HABP4: variants seen among roughly 807,000 people sequenced by gnomAD.
HABP4 encodes the protein hyaluronan binding protein 4, also known as intracellular hyaluronan-binding protein 4.
A neutral mutation model predicts 44.1 loss-of-function variants in HABP4; 32 were observed. That is an observed-to-expected ratio of 0.73 (90% CI 0.55 to 0.97). The LOEUF is 0.97. HABP4 is among the 50% of genes least tolerant of loss of function. The pLI, the probability that HABP4 is intolerant of heterozygous loss-of-function variation, is 0.00. For missense variants in HABP4, 503 were observed against 561.9 expected, an observed-to-expected ratio of 0.90 and a Z score of 1.06; for synonymous variants, 216 against 218.0, an observed-to-expected ratio of 0.99 and a Z score of 0.08.
Position 96,488,122 on chromosome 9 carries a change from GT to G in HABP4, c.1037del (p.Phe346SerfsTer50). The G allele has an allele frequency of 6.2e-7, 1 of 1,613,610 alleles. No homozygotes were observed. Among genetic ancestry groups the G allele is most frequent in the Non-Finnish European group, 8.5e-7 (1 of 1,179,562 alleles). On this transcript the variant is annotated frameshift_variant, in exon 7 of 8. Transcript: ENST00000375249. LOFTEE classifies it high-confidence loss of function. The surrounding 1 kb of genome is among the most constrained non-coding windows in gnomAD (Gnocchi z 4.6). Reference protein sequence around the residue: ...VKDDYEDDSHVFRKPANDITS... With the variant: ...VKDDYEDDSHXFRKPANDITS... ...AGATGACTATGAGGACGATTCCCAT[GT>G]TTTCCGGAAACCCGCCAATGACATC...
chr9:96,470,212 G>C (rs2131137703), intron 4 of HABP4, among the ~76,000 whole-genome samples: 1 of 152,260 alleles, frequency 6.6e-6, no homozygotes, highest in Admixed American at 6.5e-5. Context: ...CAGAGGCTGA[G>C]GTGGGAAGTT....
intron 4 of HABP4, among the ~76,000 whole-genome samples, chr9:96,468,848 T>C (rs769380299): frequency 4.3e-4 from 65 of 152,246 alleles, no homozygotes; most frequent in Admixed American, 2.4e-3. Context: ...TCTTAGTAAA[T>C]CGGCTTGAGG....
chr9:96,457,616 C>T (rs1486863046), intron 1 of HABP4, among the ~76,000 whole-genome samples: 1 of 152,130 alleles, frequency 6.6e-6, no homozygotes, highest in Non-Finnish European at 1.5e-5. Context: ...GCCTGTAATC[C>T]CAGTGCTTCA....
intron 3 of HABP4, 68 bp downstream of exon 3, chr9:96,465,566 TG>T: frequency 8.1e-7 from 1 of 1,228,658 alleles, no homozygotes; most frequent in South Asian, 1.2e-5. Flanking sequence ...ATCTATTATG[TG>T]TTAATATTTA....
At chr9:96,462,445 G>A (rs980001801) in intron 2 of HABP4, among the ~76,000 whole-genome samples, 25 of 151,282 alleles carry the variant, frequency 1.7e-4, no homozygotes, top group African/African-American at 4.6e-4. Flanking sequence ...ATGAGACTCT[G>A]TCTCTAAAAA....
Position 96,465,474 on chromosome 9 carries a change from A to T in HABP4, c.650A>T (p.Glu217Val), listed in dbSNP as rs1209098888. Residue 217 changes from glutamate (E) to valine (V), a missense_variant, in exon 3 of 8, where the codon GAA becomes GTA. This residue lies in a region of HABP4 where 131 missense variants were observed against 189.8 expected (regional missense o/e 0.69). Transcript: ENST00000375249. ...AFDQRGKREFERYGGNDKIAV... is the reference protein window; with the variant it reads ...AFDQRGKREFVRYGGNDKIAV... ...GACCAGAGAGGAAAGCGAGAATTTG[A>T]AAGATATGGTGGGAATGACAAAATG... The T allele has an allele frequency of 6.2e-7, 1 of 1,612,306 alleles. No individual in the cohort carries two copies. The highest frequency in any genetic ancestry group is 8.5e-7 in the Non-Finnish European group (1 of 1,178,418).
rs1317163282 is a variant in HABP4, at chr9:96,465,493, C to T, written c.669C>T (p.Asp223=). The T allele has an allele frequency of 6.2e-7, 1 of 1,604,406 alleles. No individual in the cohort carries two copies. The highest frequency in any genetic ancestry group is 1.3e-5 in the African/African-American group (1 of 74,832). Residue 223 remains aspartate, a synonymous_variant, in exon 3 of 8, where the codon GAC becomes GAT. Transcript: ENST00000375249. ...AATTTGAAAGATATGGTGGGAATGACAAAATGTAAGTTTCTTTGTAAATGC... is the reference window on the plus strand; with the variant it reads ...AATTTGAAAGATATGGTGGGAATGATAAAATGTAAGTTTCTTTGTAAATGC... ...KREFERYGGN[D]KIAVRTEDNM...
intron 4 of HABP4, 60 bp downstream of exon 4, chr9:96,465,838 T>C: frequency 3.3e-6 from 3 of 898,582 alleles, no homozygotes; most frequent in Non-Finnish European, 5.6e-6. Context: ...TCTGGATCTT[T>C]GCTTTTCTTG....
chr9:96,462,949 TTGTTTTAGAAC>T (rs916972218), intron 2 of HABP4, among the ~76,000 whole-genome samples: 1 of 152,160 alleles, frequency 6.6e-6, no homozygotes, highest in African/African-American at 2.4e-5. Context: ...TACTTTTCTT[TTGTTTTAGAAC>T]TGTACTTTAG....
At chr9:96,474,312 C>T (rs1425005815) in intron 5 of HABP4, among the ~76,000 whole-genome samples, 1 of 152,134 alleles carries the variant, frequency 6.6e-6, no homozygotes, top group Non-Finnish European at 1.5e-5. Flanking sequence ...TAACTGGATA[C>T]CTTCAGGAGA....
chr9:96,471,039 G>A lies in HABP4; in HGVS notation c.772G>A (p.Glu258Lys), dbSNP rs1411157082. 1 of 1,608,792 alleles carries A rather than the reference G, an allele frequency of 6.2e-7. No individual in the cohort carries two copies. Among genetic ancestry groups the A allele is most frequent in the South Asian group, 1.1e-5 (1 of 90,988 alleles). Residue 258 changes from glutamate to lysine, a missense_variant, in exon 5 of 8, where the codon GAA becomes AAA. Coordinates refer to ENST00000375249, the MANE Select transcript of HABP4 (RefSeq NM_014282.4). ...TGTGGAGCCAACTGCACCGATGGAG[G>A]AACCCACAGTGGTGGAGGAGTCCCA... ...SDVEPTAPME[E>K]PTVVEESQGT...
At chr9:96,473,415 G>T (rs1440408043) in intron 5 of HABP4, among the ~76,000 whole-genome samples, 1 of 152,136 alleles carries the variant, frequency 6.6e-6, no homozygotes, top group Admixed American at 6.5e-5. Context: ...TCTGGTGATT[G>T]TACCCCTAAA....
intron 2 of HABP4, among the ~76,000 whole-genome samples, chr9:96,461,386 C>G (rs1320495674): frequency 6.6e-6 from 1 of 151,810 alleles, no homozygotes; most frequent in Non-Finnish European, 1.5e-5. Flanking sequence ...AAAGGAAGAG[C>G]CAAAATTCAT....
At chr9:96,459,404 T>C (rs1587673825) in intron 2 of HABP4, among the ~76,000 whole-genome samples, 1 of 151,898 alleles carries the variant, frequency 6.6e-6, no homozygotes, top group African/African-American at 2.4e-5. Flanking sequence ...GCTGGTGGAG[T>C]GTTGCGTCGC....
At chr9:96,465,633 T>G in intron 3 of HABP4, 77 bp from the exon 4 acceptor site, 1 of 1,213,162 alleles carries the variant, frequency 8.2e-7, no homozygotes. Context: ...CTGGGACTTT[T>G]ATGAACCACT....
intron 5 of HABP4, among the ~76,000 whole-genome samples, chr9:96,472,597 A>C (rs1161633078): frequency 2.0e-5 from 3 of 151,942 alleles, no homozygotes; most frequent in Non-Finnish European, 4.4e-5. Flanking sequence ...GATCTTTCCT[A>C]CTGACTTCAT....
At chr9:96,465,654 T>C in intron 3 of HABP4, 56 bp from the exon 4 acceptor site, 1 of 1,287,932 alleles carries the variant, frequency 7.8e-7, no homozygotes, top group Non-Finnish European at 1.1e-6. Flanking sequence ...CTTTCTGATT[T>C]GGAGATTGAC....
intron 4 of HABP4, among the ~76,000 whole-genome samples, chr9:96,469,665 G>A (rs1398714316): frequency 6.6e-6 from 1 of 152,114 alleles, no homozygotes; most frequent in African/African-American, 2.4e-5. Context: ...TGGGACTACA[G>A]GCACCCGCCA....
intron 5 of HABP4, among the ~76,000 whole-genome samples, chr9:96,482,476 C>CT (rs1246323620): frequency 1.3e-5 from 2 of 152,056 alleles, no homozygotes; most frequent in South Asian, 4.1e-4. Context: ...TTCTGTTTTT[C>CT]TTTTTTTGTG....
Sources: allele counts gnomAD v4.1 joint callset (sites outside exome capture counted in the v4.1 genomes callset), GRCh38; gene constraint gnomAD v4.1.1; regional missense constraint gnomAD v4.1.1; non-coding constraint Gnocchi (gnomAD v3.1); transcripts MANE v1.5; gene names NCBI Gene and HGNC (gene_info 2026-07-23, HGNC 2026-07-21).